The following MARCHF1 variants were observed in gnomAD, a reference collection of about 807,000 sequenced individuals.
The protein encoded by MARCHF1 is E3 ubiquitin-protein ligase MARCHF1.
A neutral mutation model predicts 54.2 loss-of-function variants in MARCHF1; 40 were observed. The observed-to-expected ratio is 0.74, with a 90% CI of 0.57 to 0.96. The LOEUF is 0.96. Ranked by LOEUF, MARCHF1 falls within the 40% of genes least tolerant of loss-of-function variation. MARCHF1 has a pLI of 0.00. For missense variants in MARCHF1, 586 were observed against 656.5 expected, an observed-to-expected ratio of 0.89 and a Z score of 1.17; for synonymous variants, 236 against 236.3, an observed-to-expected ratio of 1.00 and a Z score of 0.01.
intron 3 of MARCHF1, among the ~76,000 whole-genome samples, chr4:163,971,559 G>A (rs983486343): frequency 6.6e-6 from 1 of 152,194 alleles, no homozygotes; most frequent in African/African-American, 2.4e-5. Context: ...AGGTGGGAAT[G>A]GAGTAAGTGT....
rs968090795 is a variant in MARCHF1 at position 163,526,371 on chromosome 4, A to C, written c.*2377T>G. The C allele has an allele frequency of 3.3e-5, 5 of 152,086 alleles. No homozygotes were observed. The highest frequency in any genetic ancestry group is 1.3e-4 in the Admixed American group (2 of 15,256). The allele number at this position is 152,086 out of a possible 1,614,324, so 9.4% of individuals were successfully genotyped here. On this transcript the variant is annotated 3_prime_UTR_variant, in exon 10 of 10. Transcript: ENST00000514618. ...AAGTAAATAATTATTTTACTTTCAG[A>C]GCAAACAAAAGAGAAATCAACATTT... is the stretch of plus-strand genomic sequence containing the variant.
At chr4:163,834,409 T>C (rs1219361305) in intron 4 of MARCHF1, among the ~76,000 whole-genome samples, 1 of 152,198 alleles carries the variant, frequency 6.6e-6, no homozygotes, top group Non-Finnish European at 1.5e-5. Flanking sequence ...CTATAAAGCA[T>C]TATAAGAAAA....
chr4:163,969,505 T>A (rs1752508042), intron 3 of MARCHF1, among the ~76,000 whole-genome samples: 1 of 152,186 alleles, frequency 6.6e-6, no homozygotes, highest in South Asian at 2.1e-4. Flanking sequence ...TTTAACATGG[T>A]TTCCTGCTTT....
chr4:164,362,762 G>T (rs1324468911), intron 1 of MARCHF1, among the ~76,000 whole-genome samples: 2 of 152,132 alleles, frequency 1.3e-5, no homozygotes, highest in Non-Finnish European at 2.9e-5. Flanking sequence ...ATAAATTTTT[G>T]CCATGGCTAG....
chr4:163,668,808 C>T (rs1316954491), intron 5 of MARCHF1, among the ~76,000 whole-genome samples: 1 of 152,132 alleles, frequency 6.6e-6, no homozygotes, highest in Non-Finnish European at 1.5e-5. Flanking sequence ...AATTCCCTTT[C>T]CTACCTACTG....
chr4:163,548,991 T>C (rs1739006434), intron 8 of MARCHF1, among the ~76,000 whole-genome samples: 1 of 152,248 alleles, frequency 6.6e-6, no homozygotes, highest in South Asian at 2.1e-4. Flanking sequence ...TCCCCTGTCC[T>C]GCTTTACCAA....
chr4:163,769,525 A>G (rs975104319), intron 4 of MARCHF1, among the ~76,000 whole-genome samples: 2 of 152,202 alleles, frequency 1.3e-5, no homozygotes, highest in African/African-American at 4.8e-5. Context: ...GGTGCCACAT[A>G]GCTAGAATCA....
chr4:163,582,478 A>T (rs1227995908), intron 8 of MARCHF1, among the ~76,000 whole-genome samples: 1 of 152,208 alleles, frequency 6.6e-6, no homozygotes. Flanking sequence ...TATCTTTAGA[A>T]ACTAACCATT....
chr4:164,315,424 A>G (rs1467260456), intron 1 of MARCHF1, among the ~76,000 whole-genome samples: 1 of 152,142 alleles, frequency 6.6e-6, no homozygotes, highest in African/African-American at 2.4e-5. Context: ...AAGTTTTCTA[A>G]TTCTACAAGG....
chr4:164,204,595 G>T (rs1211739310), intron 1 of MARCHF1, among the ~76,000 whole-genome samples: 2 of 152,254 alleles, frequency 1.3e-5, no homozygotes, highest in South Asian at 4.1e-4. Context: ...TAACCATTTT[G>T]TGTGAAAAAC....
chr4:164,189,443 T>C, intron 1 of MARCHF1: 2 of 697,806 alleles, frequency 2.9e-6, no homozygotes, highest in South Asian at 1.6e-5. Flanking sequence ...AATTCTGATA[T>C]TGATGATGTT....
chr4:163,617,948 AT>A (rs1308194929), intron 5 of MARCHF1, among the ~76,000 whole-genome samples: 2 of 152,176 alleles, frequency 1.3e-5, no homozygotes, highest in African/African-American at 4.8e-5. Flanking sequence ...GAACAAATGT[AT>A]GTTTTACAAT....
At chr4:164,309,369 C>G (rs1202127876) in intron 1 of MARCHF1, among the ~76,000 whole-genome samples, 1 of 151,970 alleles carries the variant, frequency 6.6e-6, no homozygotes, top group Non-Finnish European at 1.5e-5. Flanking sequence ...CAGGAAGAGG[C>G]AATGATAATG....
chr4:163,688,324 TATC>T (rs1744335476), intron 5 of MARCHF1, among the ~76,000 whole-genome samples: 1 of 152,204 alleles, frequency 6.6e-6, no homozygotes, highest in South Asian at 2.1e-4. Context: ...CATATCAACG[TATC>T]ATCTTTTGTT....
intron 5 of MARCHF1, among the ~76,000 whole-genome samples, chr4:163,649,240 G>C (rs893503737): frequency 6.6e-6 from 1 of 151,864 alleles, no homozygotes; most frequent in East Asian, 1.9e-4. Context: ...GGCTACTCGA[G>C]CCCTCACATT....
intron 4 of MARCHF1, among the ~76,000 whole-genome samples, chr4:163,800,542 C>T (rs75898410): frequency 0.038 from 5,813 of 152,028 alleles, 163 homozygotes; most frequent in South Asian, 0.075. Context: ...CCCATCTCCT[C>T]TCTGTATATT....
chr4:164,127,221 G>A (rs1231496419), intron 1 of MARCHF1, among the ~76,000 whole-genome samples: 2 of 152,180 alleles, frequency 1.3e-5, no homozygotes, highest in African/African-American at 4.8e-5. Flanking sequence ...GTATCCAGCT[G>A]ATATTTACCT....
At chr4:164,147,843 A>AAAT (rs10661163) in intron 1 of MARCHF1, among the ~76,000 whole-genome samples, 27,724 of 144,260 alleles carry the variant, frequency 0.19, 3,964 homozygotes, top group African/African-American at 0.41. Context: ...GTCAATAAAA[A>AAAT]AAATAAATTC....
intron 4 of MARCHF1, among the ~76,000 whole-genome samples, chr4:163,733,220 T>TATATATATAC (rs767728359): frequency 2.0e-4 from 6 of 29,682 alleles, no homozygotes; most frequent in African/African-American, 4.9e-4. Flanking sequence ...TATATATATA[T>TATATATATAC]ACACGTGTAT....
Sources: gnomAD v4.1 joint callset for allele counts (sites outside exome capture counted in the v4.1 genomes callset) on GRCh38, gnomAD v4.1.1 for gene constraint, MANE v1.5 for transcripts, NCBI Gene and HGNC (gene_info 2026-07-23, HGNC 2026-07-21) for gene names.